Variants in ABHD2 observed in about 807,000 individuals in gnomAD.
ABHD2 encodes monoacylglycerol lipase ABHD2.
In ABHD2, 20 loss-of-function variants were observed where a neutral mutation model predicts 48.1. The ratio of observed to expected loss-of-function variants is 0.42; its 90% confidence interval spans 0.29 to 0.60. The LOEUF (loss-of-function observed/expected upper bound fraction) is 0.60, where lower values mean the gene tolerates loss of function less well. Among genes scored for constraint, ABHD2 ranks in the 20% least tolerant of loss-of-function variants. The probability of loss-of-function intolerance (pLI) is 0.24; values close to 1 mark genes in which losing one functional copy is unlikely to be tolerated. For synonymous variants in ABHD2, 209 were observed against 214.2 expected (o/e 0.98, Z 0.21); for missense variants, 405 against 550.9 (o/e 0.74, Z 2.65).
intron 3 of ABHD2, among the ~76,000 whole-genome samples, chr15:89,131,045 T>C (rs1046213989): frequency 2.0e-5 from 3 of 152,172 alleles, no homozygotes; most frequent in Non-Finnish European, 4.4e-5. Flanking sequence ...GTCATCAGCT[T>C]TCACCTGGAA....
chr15:89,192,076 C>T (rs2150953700), intron 9 of ABHD2, among the ~76,000 whole-genome samples: 1 of 152,346 alleles, frequency 6.6e-6, no homozygotes, highest in African/African-American at 2.4e-5. Context: ...CTCATTCTGT[C>T]TTTGCACAAT....
intron 7 of ABHD2, among the ~76,000 whole-genome samples, 198 bp from the exon 8 acceptor site, chr15:89,187,995 G>C (rs2150948187): frequency 6.6e-6 from 1 of 152,266 alleles, no homozygotes; most frequent in South Asian, 2.1e-4. Flanking sequence ...GTTTGTCTGG[G>C]TACCCCTGAA....
intron 1 of ABHD2, among the ~76,000 whole-genome samples, chr15:89,095,063 CAAAAAAA>C (rs72090062): frequency 1.1e-3 from 61 of 53,802 alleles, no homozygotes; most frequent in Middle Eastern, 0.016. Context: ...GACTGTGTCT[CAAAAAAA>C]AAAAAAAAAA....
At chr15:89,135,688 T>A in intron 3 of ABHD2, 1 of 1,481,822 alleles carries the variant, frequency 6.7e-7, no homozygotes, top group Non-Finnish European at 9.3e-7. Flanking sequence ...TAGCCCGATA[T>A]GCAGCAATAT....
chr15:89,134,476 T>A (rs554841380), intron 3 of ABHD2, among the ~76,000 whole-genome samples: 1 of 152,320 alleles, frequency 6.6e-6, no homozygotes, highest in African/African-American at 2.4e-5. Context: ...TCCAGTCTTT[T>A]GTGTTCTGTT....
chr15:89,153,161 G>T (rs959474235), intron 4 of ABHD2, among the ~76,000 whole-genome samples: 2 of 152,154 alleles, frequency 1.3e-5, no homozygotes, highest in African/African-American at 4.8e-5. Context: ...GACTGTCTCT[G>T]ACTCCCCTAA....
At position 89,092,982 on chromosome 15, in the gene ABHD2, C is replaced by T. The variant is rs1901654156; in HGVS notation, c.-107+4419C>T. Among the ~76,000 whole-genome samples the T allele has an allele frequency of 6.6e-6, 1 of 152,012 alleles. No homozygotes were observed. Among genetic ancestry groups the T allele is most frequent in the African/African-American group, 2.4e-5 (1 of 41,348 alleles). ...GCCCGGGGGAGGTGCAGGGGAGCTT[C>T]TAAAGGTCAGCTGAGAAGGGAGAGC... On this transcript the variant is annotated intron_variant, in intron 1 of 10. Transcript: ENST00000352732. This position sits in a 1 kb window ranked among gnomAD's most constrained non-coding sequence, Gnocchi z 4.4.
chr15:89,083,371 G>T (rs959843892), upstream of ABHD2, among the ~76,000 whole-genome samples: 1 of 152,212 alleles, frequency 6.6e-6, no homozygotes, highest in African/African-American at 2.4e-5. The surrounding 1 kb of genome is among the most constrained non-coding windows in gnomAD (Gnocchi z 5.1). Context: ...ATGACATCAG[G>T]AAGAGGAATG....
At chr15:89,055,681 A>C in the ABHD2 span, among the ~76,000 whole-genome samples, 1 of 152,002 alleles carries the variant, frequency 6.6e-6, no homozygotes, top group African/African-American at 2.4e-5. Flanking sequence ...AATCACTAGA[A>C]ACACCCTGGA....
the ABHD2 span, among the ~76,000 whole-genome samples, chr15:89,047,754 A>G: frequency 4.0e-5 from 6 of 148,830 alleles, no homozygotes; most frequent in African/African-American, 1.5e-4. Flanking sequence ...TGCTTGATAG[A>G]TCTTCCTCCA....
chr15:89,067,908 G>T, the ABHD2 span, among the ~76,000 whole-genome samples: 1 of 152,130 alleles, frequency 6.6e-6, no homozygotes, highest in Non-Finnish European at 1.5e-5. Context: ...TGTAATGAAT[G>T]AACTCATTCT....
chr15:89,081,163 C>G, the ABHD2 span, among the ~76,000 whole-genome samples: 4 of 141,610 alleles, frequency 2.8e-5, no homozygotes, highest in Admixed American at 2.1e-4. Flanking sequence ...CCATGCCCAG[C>G]TAATTTTTTT....
the ABHD2 span, among the ~76,000 whole-genome samples, chr15:89,061,578 A>AT: frequency 6.3e-4 from 94 of 150,386 alleles, no homozygotes; most frequent in African/African-American, 2.0e-3. Flanking sequence ...ACAGATCTGT[A>AT]TTTTTTTTTT....
chr15:89,072,096 G>A, the ABHD2 span, among the ~76,000 whole-genome samples: 1 of 152,212 alleles, frequency 6.6e-6, no homozygotes, highest in Admixed American at 6.5e-5. Flanking sequence ...GAACAAAAAT[G>A]TCTCCGTTAG....
At chr15:89,135,237 A>G (rs1322990202) in intron 3 of ABHD2, among the ~76,000 whole-genome samples, 1 of 150,878 alleles carries the variant, frequency 6.6e-6, no homozygotes, top group Admixed American at 6.6e-5. Context: ...AGATGAAAAA[A>G]CTACCATCCC....
intron 3 of ABHD2, among the ~76,000 whole-genome samples, chr15:89,144,898 G>T (rs113041937): frequency 5.4e-4 from 83 of 152,330 alleles, no homozygotes; most frequent in African/African-American, 1.9e-3. Context: ...TGTGCTTTAA[G>T]ACCAGTAAAG....
At chr15:89,191,584 T>A (rs920556666) in intron 9 of ABHD2, among the ~76,000 whole-genome samples, 2 of 152,048 alleles carry the variant, frequency 1.3e-5, no homozygotes, top group African/African-American at 4.8e-5. Context: ...GTAAAACTGA[T>A]GTGTTTCTGT....
chr15:89,043,209 C>T, the ABHD2 span, among the ~76,000 whole-genome samples: 1 of 152,200 alleles, frequency 6.6e-6, no homozygotes, highest in Non-Finnish European at 1.5e-5. Context: ...AAGGTGGCAG[C>T]CAACCCTGCC....
chr15:89,044,340 T>A, the ABHD2 span, among the ~76,000 whole-genome samples: 39 of 152,320 alleles, frequency 2.6e-4, no homozygotes, highest in South Asian at 7.2e-3. Flanking sequence ...TCTTTGCTAT[T>A]GTGAATAATG....
Sources: allele counts gnomAD v4.1 joint callset (sites outside exome capture counted in the v4.1 genomes callset), GRCh38; gene constraint gnomAD v4.1.1; non-coding constraint Gnocchi (gnomAD v3.1); transcripts MANE v1.5; gene names NCBI Gene and HGNC (gene_info 2026-07-23, HGNC 2026-07-21).